The following MYO9A variants were observed in gnomAD, a reference collection of about 807,000 sequenced individuals.
MYO9A encodes unconventional myosin-IXa.
A neutral mutation model predicts 293.3 loss-of-function variants in MYO9A; 103 were observed. The observed-to-expected ratio is 0.35, with a 90% CI of 0.30 to 0.41. The LOEUF is 0.41. MYO9A is among the 10% of genes least tolerant of loss of function. The pLI is 1.00. For synonymous variants in MYO9A, 1,001 were observed against 1,035.7 expected (o/e 0.97, Z 0.64); for missense variants, 2,685 against 3,033.0 (o/e 0.89, Z 2.69).
intron 39 of MYO9A, among the ~76,000 whole-genome samples, chr15:71,841,827 T>G (rs978207408): frequency 2.0e-5 from 3 of 151,360 alleles, no homozygotes; most frequent in Non-Finnish European, 2.9e-5. Flanking sequence ...TTGTTTTTTT[T>G]GTAGAGACGG....
chr15:71,999,400 C>A (rs992299123), intron 9 of MYO9A, among the ~76,000 whole-genome samples: 4 of 151,664 alleles, frequency 2.6e-5, no homozygotes, highest in Non-Finnish European at 1.5e-5. Flanking sequence ...ACAAAGACTG[C>A]GTCCTAGGGT....
chr15:71,948,975 A>C (rs995587768), intron 15 of MYO9A, among the ~76,000 whole-genome samples: 1 of 151,856 alleles, frequency 6.6e-6, no homozygotes, highest in Non-Finnish European at 1.5e-5. Flanking sequence ...GTGACATATT[A>C]AACATGATTT....
At chr15:71,946,461 A>AT (rs757445878) in intron 15 of MYO9A, among the ~76,000 whole-genome samples, 14 of 152,294 alleles carry the variant, frequency 9.2e-5, no homozygotes, top group East Asian at 7.7e-4. Context: ...AGTTGAACTG[A>AT]TTGCCATAAA....
rs770935885 is a variant in MYO9A at position 72,020,923 on chromosome 15, T to G, written c.1093A>C (p.Asn365His). 6.6e-7 allele frequency: 1 copy of G among 1,518,828 alleles called. No individual in the cohort carries two copies. 94.1% of individuals were successfully genotyped at this position (1,518,828 alleles called of 1,614,324 possible). A position where few individuals can be genotyped will look rare whatever the true frequency, so the allele number is the denominator to read the frequency against. Residue 365 changes from asparagine (N) to histidine (H), a missense_variant, in exon 5 of 42, where the codon AAT becomes CAT. By Grantham distance (68) the Asn-to-His change is moderately conservative. Transcript: ENST00000356056. ...LKQPEEYHYL[N>H]QITKKPLRQS... ...TGCTTTTTATGAACTCTCACCTGAT[T>G]GAGATAATGATATTCCTCTGGTTGC...
chr15:71,861,698 A>AC (rs1272912947), intron 33 of MYO9A, among the ~76,000 whole-genome samples: 6 of 149,174 alleles, frequency 4.0e-5, no homozygotes, highest in African/African-American at 1.5e-4. Context: ...AAAAAAAAAA[A>AC]AAACAAATAA....
intron 1 of MYO9A, among the ~76,000 whole-genome samples, chr15:72,076,989 T>C (rs1272422383): frequency 6.6e-6 from 1 of 150,892 alleles, no homozygotes; most frequent in African/African-American, 2.4e-5. Context: ...GATAGTCTTT[T>C]CAACAAATGG....
At chr15:71,902,600 T>C (rs150975202) in intron 22 of MYO9A, among the ~76,000 whole-genome samples, 235 of 152,264 alleles carry the variant, frequency 1.5e-3, no homozygotes, top group African/African-American at 5.0e-3. Context: ...GTTTCTAGAC[T>C]GAGAAACTGG....
At chr15:71,939,062 A>G in intron 15 of MYO9A, 135 bp from the exon 16 acceptor site, 1 of 627,696 alleles carries the variant, frequency 1.6e-6, no homozygotes, top group South Asian at 2.1e-5. Flanking sequence ...AAATAATTAC[A>G]TGACCCAAGT....
intron 15 of MYO9A, among the ~76,000 whole-genome samples, chr15:71,939,886 A>C (rs1247564538): frequency 2.0e-5 from 3 of 152,208 alleles, no homozygotes; most frequent in African/African-American, 7.2e-5. Context: ...TAATTTAAAA[A>C]AACTGATTCG....
At chr15:71,827,619 G>A (rs1691642493) in intron 41 of MYO9A, among the ~76,000 whole-genome samples, 1 of 152,118 alleles carries the variant, frequency 6.6e-6, no homozygotes, top group Admixed American at 6.5e-5. Flanking sequence ...GGAAAAAAAA[G>A]ACCTTCCGTG....
At chr15:72,104,401 A>C (rs1173421683) in intron 1 of MYO9A, among the ~76,000 whole-genome samples, 2 of 152,226 alleles carry the variant, frequency 1.3e-5, no homozygotes, top group Non-Finnish European at 2.9e-5. Context: ...TCAGTATATG[A>C]ATGAAAAGGA....
intron 39 of MYO9A, among the ~76,000 whole-genome samples, chr15:71,836,855 GAA>G (rs1360462289): frequency 6.6e-6 from 1 of 152,068 alleles, no homozygotes; most frequent in East Asian, 1.9e-4. Context: ...CTTTGGAGGA[GAA>G]AGAGGATTGT....
chr15:72,046,228 A>G lies in MYO9A; in HGVS notation c.336T>C (p.Leu112=), dbSNP rs1310985585. The change falls in exon 2 of 42, where the codon CTT becomes CTC. Residue 112 remains leucine, a synonymous_variant. Coordinates refer to ENST00000356056, the MANE Select transcript of MYO9A (RefSeq NM_006901.4). ...GGCTACCATAATGGATTGATCCATCAAGGTTTTTCTCTCTCAGAAGGAAGC... is the reference window on the plus strand; with the variant it reads ...GGCTACCATAATGGATTGATCCATCGAGGTTTTTCTCTCTCAGAAGGAAGC... ...DYRFLLREKN[L]DGSIHYGSLQ... 1 of 1,613,762 alleles carries G rather than the reference A, an allele frequency of 6.2e-7. No individual in the cohort carries two copies. The highest frequency in any genetic ancestry group is 1.3e-5 in the African/African-American group (1 of 74,906).
Position 72,108,762 on chromosome 15 carries a change from A to ATTTTTTTTTTTTTTTTTTT in MYO9A, c.-72+8917_-72+8918insAAAAAAAAAAAAAAAAAAA, listed in dbSNP as rs3028363. Among the ~76,000 whole-genome samples, 2 of 139,242 alleles carry ATTTTTTTTTTTTTTTTTTT rather than the reference A, an allele frequency of 1.4e-5. 1 individual carries two copies. The allele number at this position is 139,242 out of a possible 152,430, so 91.3% of individuals were successfully genotyped here. On this transcript the variant is annotated intron_variant, in intron 1 of 41. Transcript: ENST00000356056. ...GCAGTAAACTTGTCATGACACATAC[A>ATTTTTTTTTTTTTTTTTTT]TTTTTTTTTTTTTTTTTGAGACAGA...
intron 1 of MYO9A, among the ~76,000 whole-genome samples, chr15:72,047,449 A>G (rs1205646753): frequency 2.0e-5 from 3 of 152,218 alleles, no homozygotes; most frequent in Admixed American, 6.5e-5. Context: ...CGTATACAGT[A>G]TATTACACTT....
intron 18 of MYO9A, among the ~76,000 whole-genome samples, chr15:71,924,221 T>TTTATTATTATTA (rs535851968): frequency 3.4e-4 from 51 of 151,520 alleles, no homozygotes; most frequent in African/African-American, 1.1e-3. Flanking sequence ...TGAAATTTTG[T>TTTATTATTATTA]TTATTATTAT....
Position 71,897,927 on chromosome 15 carries a change from CCTT to C in MYO9A, c.4573_4575del (p.Lys1525del). 1.2e-6 allele frequency: 2 copies of C among 1,614,176 alleles called. No homozygotes were observed. The highest frequency in any genetic ancestry group is 1.7e-6 in the Non-Finnish European group (2 of 1,180,032). Reference sequence around the variant, plus strand: ...TCAATTGTCTTGAAGGCTTTGCGCTCCTTCTCTAAAATATCTGTTTGCTGGCGA... The same window carrying C: ...TCAATTGTCTTGAAGGCTTTGCGCTCCTCTAAAATATCTGTTTGCTGGCGA... On this transcript the variant is annotated inframe_deletion, in exon 25 of 42. Transcript: ENST00000356056.
At chr15:71,904,842 C>T (rs957498472) in intron 20 of MYO9A, 84 bp downstream of exon 20, 2 of 890,900 alleles carry the variant, frequency 2.2e-6, no homozygotes, top group South Asian at 4.2e-5. Flanking sequence ...TAGTGCTTCC[C>T]CTCCACTTAT....
intron 2 of MYO9A, among the ~76,000 whole-genome samples, chr15:72,042,184 A>C (rs2078248162): frequency 8.0e-6 from 1 of 125,324 alleles, no homozygotes; most frequent in Admixed American, 7.7e-5. Flanking sequence ...GATAGAATGC[A>C]AAAAAAAAAA....
Sources: allele counts gnomAD v4.1 joint callset (sites outside exome capture counted in the v4.1 genomes callset), GRCh38; gene constraint gnomAD v4.1.1; transcripts MANE v1.5; gene names NCBI Gene and HGNC (gene_info 2026-07-23, HGNC 2026-07-21).